The following CD200R1L variants were observed in gnomAD, a reference collection of about 807,000 sequenced individuals.
CD200R1L encodes the protein cell surface glycoprotein CD200 receptor 2.
CD200R1L carries 14 observed loss-of-function variants against 24.8 expected under a neutral mutation model. The ratio of observed to expected loss-of-function variants is 0.56; its 90% CI spans 0.37 to 0.88. The LOEUF is 0.88. Ranked by LOEUF, CD200R1L falls within the 40% of genes least tolerant of loss-of-function variation. The probability of loss-of-function intolerance (pLI) is 0.00; values close to 1 mark genes in which losing one functional copy is unlikely to be tolerated. For missense variants in CD200R1L, 299 were observed against 297.8 expected, an observed-to-expected ratio of 1.00 and a Z score of -0.03; for synonymous variants, 111 against 109.2, an observed-to-expected ratio of 1.02 and a Z score of -0.11.
rs534491571 is a variant in CD200R1L, at chr3:112,830,415, T to C, written c.-17-1031A>G. Among the ~76,000 whole-genome samples the C allele has an allele frequency of 5.3e-5, 8 of 151,096 alleles. No individual in the cohort carries two copies. In the South Asian group the frequency reaches 1.7e-3, roughly 32 times the overall value. Reference sequence around the variant, plus strand: ...TACCATTATTCACCTGTAATACCCATAATGAGTGAGGACAATGGGATCAAC... The same window carrying C: ...TACCATTATTCACCTGTAATACCCACAATGAGTGAGGACAATGGGATCAAC... On this transcript the variant is annotated intron_variant, in intron 3 of 7. Transcript: ENST00000488794.
intron 3 of CD200R1L, among the ~76,000 whole-genome samples, chr3:112,830,266 G>A (rs552124037): frequency 6.6e-6 from 1 of 152,246 alleles, no homozygotes; most frequent in East Asian, 1.9e-4. Context: ...TTCAGTGATG[G>A]CCTAGGGGAA....
chr3:112,824,233 A>G (rs900234565), intron 6 of CD200R1L, among the ~76,000 whole-genome samples: 7 of 152,206 alleles, frequency 4.6e-5, no homozygotes, highest in African/African-American at 1.7e-4. Context: ...AAACATCATG[A>G]CTGGCATTGA....
chr3:112,821,259 T>C (rs897345972), intron 6 of CD200R1L, among the ~76,000 whole-genome samples: 7 of 152,090 alleles, frequency 4.6e-5, no homozygotes, highest in Admixed American at 1.3e-4. Flanking sequence ...GTTACAGTCC[T>C]CAAAATATCT....
intron 6 of CD200R1L, 119 bp downstream of exon 6, chr3:112,826,874 G>T: frequency 8.7e-7 from 1 of 1,148,760 alleles, no homozygotes; most frequent in Non-Finnish European, 1.2e-6. Context: ...CTCAGTTTGA[G>T]AGAATATTTT....
At chr3:112,824,282 TAA>T (rs1938608205) in intron 6 of CD200R1L, among the ~76,000 whole-genome samples, 1 of 152,208 alleles carries the variant, frequency 6.6e-6, no homozygotes. Flanking sequence ...TAGAATATTC[TAA>T]AGTTTCTAGC....
rs148335165 is a variant in CD200R1L, at chr3:112,843,429, G to T, written c.-87+2250C>A. 1.4e-3 allele frequency among the ~76,000 whole-genome samples: 210 copies of T among 152,306 alleles called. 2 individuals carry two copies. Among genetic ancestry groups the T allele is most frequent in the African/African-American group, 4.5e-3 (189 of 41,570 alleles). On this transcript the variant is annotated intron_variant, in intron 2 of 7. Transcript: ENST00000488794. The stretch of plus-strand genomic sequence containing the variant: ...CTATTTTCAGTATCTTTAGAGAAAA[G>T]AAATTCCAACCAAGGATTTCATACT...
chr3:112,832,267 C>T (rs539426176), intron 3 of CD200R1L, among the ~76,000 whole-genome samples: 5 of 152,230 alleles, frequency 3.3e-5, no homozygotes, highest in Middle Eastern at 3.4e-3. Context: ...AGAAACATAT[C>T]GGAGTCAGAT....
intron 3 of CD200R1L, among the ~76,000 whole-genome samples, chr3:112,836,599 G>T (rs1022060132): frequency 6.6e-6 from 1 of 152,214 alleles, no homozygotes; most frequent in Non-Finnish European, 1.5e-5. Context: ...TCACTAGGAT[G>T]TTTTGTAAGT....
intron 3 of CD200R1L, among the ~76,000 whole-genome samples, chr3:112,829,881 C>T: frequency 6.6e-6 from 1 of 152,198 alleles, no homozygotes; most frequent in East Asian, 1.9e-4. Context: ...TCTATAGACA[C>T]TCTTGTTGCT....
intron 2 of CD200R1L, among the ~76,000 whole-genome samples, chr3:112,845,346 G>A (rs1176878938): frequency 6.6e-6 from 1 of 152,148 alleles, no homozygotes; most frequent in East Asian, 1.9e-4. Flanking sequence ...AGGAGAAATT[G>A]AAACCCTAAG....
intron 7 of CD200R1L, among the ~76,000 whole-genome samples, chr3:112,816,460 G>A (rs1275148320): frequency 2.0e-5 from 3 of 152,186 alleles, no homozygotes; most frequent in African/African-American, 7.2e-5. Flanking sequence ...CATTTTGTTG[G>A]CCAAAGCAAA....
intron 6 of CD200R1L, among the ~76,000 whole-genome samples, chr3:112,820,956 C>T (rs375173235): frequency 3.3e-5 from 5 of 150,812 alleles, no homozygotes; most frequent in South Asian, 2.1e-4. Flanking sequence ...ACTCGGGAGG[C>T]GGAGGCAGGA....
At chr3:112,829,645 A>T in intron 3 of CD200R1L, 3 of 676,938 alleles carry the variant, frequency 4.4e-6, no homozygotes, top group Non-Finnish European at 5.5e-6. Context: ...ACTAGTTTGT[A>T]TGAGGTAACC....
chr3:112,838,457 G>C (rs1266143972), intron 2 of CD200R1L, among the ~76,000 whole-genome samples: 1 of 142,850 alleles, frequency 7.0e-6, no homozygotes, highest in East Asian at 2.0e-4. Flanking sequence ...TCAAATGCAT[G>C]GCTGAATTTG....
intron 6 of CD200R1L, among the ~76,000 whole-genome samples, chr3:112,825,912 T>G (rs554073628): frequency 1.3e-5 from 2 of 152,130 alleles, no homozygotes; most frequent in Non-Finnish European, 2.9e-5. Context: ...ACGTATGAAG[T>G]AAGAGGCTAG....
chr3:112,835,797 C>T (rs2107347926), intron 3 of CD200R1L, among the ~76,000 whole-genome samples: 1 of 152,368 alleles, frequency 6.6e-6, no homozygotes, highest in East Asian at 1.9e-4. Flanking sequence ...GGTGGCAGGG[C>T]TTCTGCCTGT....
intron 3 of CD200R1L, among the ~76,000 whole-genome samples, chr3:112,831,209 G>A (rs896420507): frequency 6.6e-6 from 1 of 151,832 alleles, no homozygotes; most frequent in Non-Finnish European, 1.5e-5. Context: ...ATTGTCTTCA[G>A]CTTGCAACTC....
intron 3 of CD200R1L, among the ~76,000 whole-genome samples, chr3:112,835,693 A>T (rs1938924099): frequency 6.6e-6 from 1 of 152,178 alleles, no homozygotes; most frequent in South Asian, 2.1e-4. Context: ...GTTCATGCCG[A>T]GGGGCACCTG....
chr3:112,822,580 A>G (rs1938561354), intron 6 of CD200R1L, among the ~76,000 whole-genome samples: 1 of 152,210 alleles, frequency 6.6e-6, no homozygotes, highest in South Asian at 2.1e-4. Context: ...TGGCACTCCC[A>G]GAGACATCAC....
Sources: allele counts gnomAD v4.1 joint callset (sites outside exome capture counted in the v4.1 genomes callset), GRCh38; gene constraint gnomAD v4.1.1; transcripts MANE v1.5; gene names NCBI Gene and HGNC (gene_info 2026-07-23, HGNC 2026-07-21).